Variants in KIF2A observed in about 807,000 individuals in gnomAD.
The protein encoded by KIF2A is kinesin-like protein KIF2A.
KIF2A carries 22 observed loss-of-function variants against 100.2 expected under a neutral mutation model. The ratio of observed to expected loss-of-function variants is 0.22; its 90% CI spans 0.16 to 0.31. The LOEUF is 0.31. KIF2A is among the 10% of genes least tolerant of loss of function. The pLI is 1.00. For synonymous variants in KIF2A, 268 were observed against 285.9 expected, an observed-to-expected ratio of 0.94 and a Z score of 0.63; for missense variants, 495 against 898.7, an observed-to-expected ratio of 0.55 and a Z score of 5.74.
rs879839305 is a variant in KIF2A, at chr5:62,387,686, C to G, written c.*2117C>G. 2 of 152,018 alleles carry G rather than the reference C, an allele frequency of 1.3e-5. No homozygotes were observed. The highest frequency in any genetic ancestry group is 2.9e-5 in the Non-Finnish European group (2 of 67,994). The allele number at this position is 152,018 out of a possible 1,614,324, so 9.4% of individuals were successfully genotyped here. A position where few individuals can be genotyped will look rare whatever the true frequency, so the allele number is the denominator to read the frequency against. On this transcript the variant is annotated 3_prime_UTR_variant, in exon 21 of 21. Coordinates refer to ENST00000407818, the MANE Select transcript of KIF2A (RefSeq NM_001098511.3). ...GCCGAGTTAAATCTTAAAATTTTTACTATAAGGATAGAGATGATACAAGTG... is the reference window on the plus strand; with the variant it reads ...GCCGAGTTAAATCTTAAAATTTTTAGTATAAGGATAGAGATGATACAAGTG...
At chr5:62,306,664 G>A (rs1745296008) in intron 1 of KIF2A, 128 bp downstream of exon 1, 2 of 751,922 alleles carry the variant, frequency 2.7e-6, no homozygotes, top group Admixed American at 2.8e-5. Context: ...CGGCGGCCGC[G>A]GCGCTTTTGT....
intron 4 of KIF2A, among the ~76,000 whole-genome samples, chr5:62,351,955 G>T (rs752473973): frequency 1.3e-5 from 2 of 151,996 alleles, no homozygotes; most frequent in Admixed American, 6.6e-5. Context: ...AGAGTTTGAG[G>T]CCAGCCTGAC....
chr5:62,380,976 G>A, intron 19 of KIF2A, 142 bp from the exon 20 acceptor site: 1 of 646,862 alleles, frequency 1.5e-6, no homozygotes, highest in Non-Finnish European at 2.6e-6. Flanking sequence ...TAATTATACT[G>A]TCTGTGAATA....
intron 1 of KIF2A, among the ~76,000 whole-genome samples, chr5:62,319,883 ATATG>A (rs558899501): frequency 4.0e-5 from 6 of 149,362 alleles, no homozygotes; most frequent in African/African-American, 9.7e-5. Flanking sequence ...AAAATGATAT[ATATG>A]TATGTATGTA....
chr5:62,346,310 A>AGAG (rs1484009083), intron 1 of KIF2A, among the ~76,000 whole-genome samples: 1 of 152,210 alleles, frequency 6.6e-6, no homozygotes, highest in Non-Finnish European at 1.5e-5. Context: ...AACATATAGA[A>AGAG]GAGGACATTT....
intron 1 of KIF2A, among the ~76,000 whole-genome samples, chr5:62,340,975 C>T (rs2111885775): frequency 6.6e-6 from 1 of 152,016 alleles, no homozygotes; most frequent in East Asian, 1.9e-4. Flanking sequence ...AAATAAAAGC[C>T]CCATGCTGCA....
At chr5:62,375,468 T>G (rs1229354348) in intron 18 of KIF2A, among the ~76,000 whole-genome samples, 2 of 152,232 alleles carry the variant, frequency 1.3e-5, no homozygotes, top group Non-Finnish European at 2.9e-5. Flanking sequence ...TTAAATAATT[T>G]GACCAAGATT....
chr5:62,325,101 T>C (rs1746298974), intron 1 of KIF2A, among the ~76,000 whole-genome samples: 1 of 152,152 alleles, frequency 6.6e-6, no homozygotes, highest in Non-Finnish European at 1.5e-5. Flanking sequence ...TTTCCTTTCC[T>C]TACTGTTGTA....
chr5:62,351,997 T>TA (rs1214660710), intron 4 of KIF2A, among the ~76,000 whole-genome samples: 1 of 151,916 alleles, frequency 6.6e-6, no homozygotes, highest in East Asian at 1.9e-4. Context: ...CTACTAAAAT[T>TA]ACAAAAATGA....
intron 1 of KIF2A, among the ~76,000 whole-genome samples, chr5:62,318,023 T>C (rs1157917428): frequency 6.6e-6 from 1 of 152,180 alleles, no homozygotes; most frequent in Non-Finnish European, 1.5e-5. Flanking sequence ...ATAGTAACAA[T>C]TATAGCAACT....
At chr5:62,378,225 A>T (rs1321415979) in intron 19 of KIF2A, among the ~76,000 whole-genome samples, 1 of 152,204 alleles carries the variant, frequency 6.6e-6, no homozygotes. Context: ...GAAGGGTGTT[A>T]TATCACCACC....
At chr5:62,370,572 C>T (rs1241322708) in intron 16 of KIF2A, among the ~76,000 whole-genome samples, 1 of 152,078 alleles carries the variant, frequency 6.6e-6, no homozygotes, top group Non-Finnish European at 1.5e-5. Flanking sequence ...ACTGGGATTA[C>T]AGCATAAGCC....
chr5:62,366,896 GA>G (rs1276897557), intron 16 of KIF2A, among the ~76,000 whole-genome samples: 2 of 151,542 alleles, frequency 1.3e-5, no homozygotes, highest in African/African-American at 2.4e-5. Context: ...CAATTTTCAA[GA>G]AAAAAATGTT....
rs1036845367 is a variant in KIF2A, at chr5:62,364,349, T to C, written c.1467+450T>C. Among the ~76,000 whole-genome samples the C allele has an allele frequency of 3.9e-5, 6 of 152,242 alleles. No individual in the cohort carries two copies. The South Asian group carries it at 1.2e-3, about 32-fold the overall frequency. Reference sequence around the variant, plus strand: ...TTTTAGTAGATATGGGGTTTCACCATGTTGGCTAGGCTGGTCTTGAACTTC... The same window carrying C: ...TTTTAGTAGATATGGGGTTTCACCACGTTGGCTAGGCTGGTCTTGAACTTC... On this transcript the variant is annotated intron_variant, in intron 14 of 20. Transcript: ENST00000407818.
intron 1 of KIF2A, among the ~76,000 whole-genome samples, chr5:62,340,966 A>G (rs1352239219): frequency 1.3e-5 from 2 of 152,160 alleles, no homozygotes; most frequent in African/African-American, 4.8e-5. Flanking sequence ...TTTTGGTGCA[A>G]ATAAAAGCCC....
intron 7 of KIF2A, among the ~76,000 whole-genome samples, chr5:62,356,444 G>A (rs1748110715): frequency 1.3e-5 from 2 of 152,148 alleles, no homozygotes; most frequent in South Asian, 4.1e-4. Context: ...TATGACATTT[G>A]TTTCAATCAA....
At chr5:62,368,175 C>A (rs1483479788) in intron 16 of KIF2A, among the ~76,000 whole-genome samples, 1 of 152,074 alleles carries the variant, frequency 6.6e-6, no homozygotes, top group African/African-American at 2.4e-5. Flanking sequence ...GTGCTCCTTC[C>A]TGTTCACAAA....
intron 16 of KIF2A, 144 bp downstream of exon 16, chr5:62,366,625 A>G (rs190055195): frequency 1.8e-6 from 1 of 540,976 alleles, no homozygotes; most frequent in African/African-American, 2.0e-5. Context: ...AGGTCAGGAG[A>G]TCGAGATTAT....
chr5:62,353,153 T>C (rs1295667821), intron 5 of KIF2A, 122 bp from the exon 6 acceptor site: 5 of 532,028 alleles, frequency 9.4e-6, no homozygotes, highest in Middle Eastern at 5.0e-4. Context: ...GTAGTTGTTA[T>C]AGGCATGCTT....
Sources: gnomAD v4.1 joint callset for allele counts (sites outside exome capture counted in the v4.1 genomes callset) on GRCh38, gnomAD v4.1.1 for gene constraint, MANE v1.5 for transcripts, NCBI Gene and HGNC (gene_info 2026-07-23, HGNC 2026-07-21) for gene names.